The following CALN1 variants were observed in gnomAD, a reference collection of about 807,000 sequenced individuals.
CALN1 encodes calneuron 1.
A neutral mutation model predicts 30.6 loss-of-function variants in CALN1; 17 were observed. The ratio of observed to expected loss-of-function variants is 0.56; its 90% CI spans 0.38 to 0.83. The LOEUF (loss-of-function observed/expected upper bound fraction) is 0.83. CALN1 is among the 40% of genes least tolerant of loss of function. CALN1 has a pLI of 0.00. For missense variants in CALN1, 291 were observed against 354.9 expected, an observed-to-expected ratio of 0.82 and a Z score of 1.45; for synonymous variants, 156 against 131.4, an observed-to-expected ratio of 1.19 and a Z score of -1.28.
chr7:72,267,653 G>A (rs1307971097), intron 3 of CALN1, among the ~76,000 whole-genome samples: 1 of 152,218 alleles, frequency 6.6e-6, no homozygotes, highest in Non-Finnish European at 1.5e-5. Context: ...TGCTGGTTAT[G>A]TAACCTTGGA....
At chr7:72,057,915 A>T (rs1803374031) in intron 4 of CALN1, among the ~76,000 whole-genome samples, 1 of 152,162 alleles carries the variant, frequency 6.6e-6, no homozygotes, top group Admixed American at 6.5e-5. Flanking sequence ...TTGAGGGGTA[A>T]TGGTTCTGGC....
Position 72,397,303 on chromosome 7 carries a change from T to A in CALN1, c.119+5948A>T, listed in dbSNP as rs114203270. ...GGGAGGATGCCAGAGAGAGGCAGGT[T>A]GCAGTGTAAGCACCCAGAGGGTCCA... On this transcript the variant is annotated intron_variant, in intron 2 of 6. Transcript: ENST00000395275. Among the ~76,000 whole-genome samples the A allele has an allele frequency of 3.4e-3, 516 of 152,254 alleles. 3 individuals are homozygous for A. The highest frequency in any genetic ancestry group is 0.012 in the African/African-American group (505 of 41,546).
chr7:71,869,922 A>G (rs1791822992), intron 5 of CALN1, among the ~76,000 whole-genome samples: 1 of 152,154 alleles, frequency 6.6e-6, no homozygotes, highest in Non-Finnish European at 1.5e-5. Flanking sequence ...TTTGCAGACC[A>G]GATTCCTCAG....
chr7:71,851,632 C>T (rs190382068), intron 5 of CALN1, among the ~76,000 whole-genome samples: 2 of 151,906 alleles, frequency 1.3e-5, no homozygotes, highest in African/African-American at 4.8e-5. Flanking sequence ...ACATTAAAAT[C>T]CTTTGGATAA....
At chr7:72,468,052 C>T in the CALN1 span, among the ~76,000 whole-genome samples, 1 of 152,200 alleles carries the variant, frequency 6.6e-6, no homozygotes, top group Non-Finnish European at 1.5e-5. Context: ...CAAGGTCCAT[C>T]CATGTTGTTG....
chr7:72,261,460 CAAGGCTGGAGTGCA>C (rs1182187758), intron 3 of CALN1, among the ~76,000 whole-genome samples: 2 of 151,750 alleles, frequency 1.3e-5, no homozygotes, highest in Non-Finnish European at 2.9e-5. Flanking sequence ...ACTCTGTTGC[CAAGGCTGGAGTGCA>C]GTGGCTGGAG....
intron 5 of CALN1, among the ~76,000 whole-genome samples, chr7:71,901,530 C>T (rs535182472): frequency 6.6e-6 from 1 of 151,396 alleles, no homozygotes; most frequent in East Asian, 1.9e-4. Flanking sequence ...TACTACAAGG[C>T]TGCAGTAACC....
intron 5 of CALN1, among the ~76,000 whole-genome samples, chr7:71,885,784 A>T (rs1792867491): frequency 1.3e-5 from 2 of 152,192 alleles, no homozygotes; most frequent in Admixed American, 6.5e-5. Flanking sequence ...AATGTTTCTG[A>T]CTATTATACA....
At chr7:72,301,022 A>G (rs1279314387) in intron 2 of CALN1, among the ~76,000 whole-genome samples, 1 of 152,058 alleles carries the variant, frequency 6.6e-6, no homozygotes, top group Non-Finnish European at 1.5e-5. Flanking sequence ...GTAAATAAGC[A>G]CAGAATATCA....
At chr7:72,203,659 A>T (rs1791600519) in intron 3 of CALN1, among the ~76,000 whole-genome samples, 1 of 152,328 alleles carries the variant, frequency 6.6e-6, no homozygotes, top group Admixed American at 6.5e-5. Flanking sequence ...CACTCTAATT[A>T]GCAAGGGCTA....
At chr7:72,357,728 C>A (rs1803317305) in intron 2 of CALN1, among the ~76,000 whole-genome samples, 1 of 150,962 alleles carries the variant, frequency 6.6e-6, no homozygotes, top group South Asian at 2.1e-4. Context: ...TTATAACAAC[C>A]CAATGTTGGC....
At chr7:71,853,320 TA>T (rs1465526848) in intron 5 of CALN1, among the ~76,000 whole-genome samples, 2 of 152,122 alleles carry the variant, frequency 1.3e-5, no homozygotes, top group Non-Finnish European at 2.9e-5. Context: ...AATTGGCAAT[TA>T]AAAATTGTAT....
chr7:72,430,374 G>A (rs1318103521), intron 1 of CALN1, among the ~76,000 whole-genome samples: 3 of 150,580 alleles, frequency 2.0e-5, no homozygotes, highest in African/African-American at 4.9e-5. Flanking sequence ...TATTTAATTT[G>A]TGGTCAATTT....
At chr7:71,819,612 T>C (rs1218209747) in intron 5 of CALN1, among the ~76,000 whole-genome samples, 1 of 152,192 alleles carries the variant, frequency 6.6e-6, no homozygotes, top group Non-Finnish European at 1.5e-5. Context: ...ACTGAAACTT[T>C]GTACACTATT....
chr7:72,326,014 G>A (rs1391613840), intron 2 of CALN1, among the ~76,000 whole-genome samples: 1 of 152,132 alleles, frequency 6.6e-6, no homozygotes. Context: ...CGATTCTCCT[G>A]CCTCAAGCCT....
chr7:71,925,583 C>T (rs1157620866), intron 5 of CALN1, among the ~76,000 whole-genome samples: 1 of 148,866 alleles, frequency 6.7e-6, no homozygotes, highest in African/African-American at 2.5e-5. Flanking sequence ...AAAAATAATT[C>T]ATTTTTAAAA....
chr7:72,404,815 A>G (rs1806591916), intron 1 of CALN1, among the ~76,000 whole-genome samples: 1 of 152,222 alleles, frequency 6.6e-6, no homozygotes, highest in Non-Finnish European at 1.5e-5. Flanking sequence ...GGTGGACATT[A>G]TTGTTGCAGG....
intron 1 of CALN1, among the ~76,000 whole-genome samples, chr7:72,417,751 A>C (rs557176877): frequency 6.6e-6 from 1 of 152,274 alleles, no homozygotes; most frequent in South Asian, 2.1e-4. Flanking sequence ...CATGTTCATT[A>C]GTCATGGTTG....
intron 2 of CALN1, among the ~76,000 whole-genome samples, chr7:72,397,307 G>A (rs1213363997): frequency 1.3e-5 from 2 of 152,192 alleles, no homozygotes; most frequent in Non-Finnish European, 2.9e-5. Flanking sequence ...GCAGGTTGCA[G>A]TGTAAGCACC....
Sources: gnomAD v4.1 joint callset for allele counts (sites outside exome capture counted in the v4.1 genomes callset) on GRCh38, gnomAD v4.1.1 for gene constraint, MANE v1.5 for transcripts, NCBI Gene and HGNC (gene_info 2026-07-23, HGNC 2026-07-21) for gene names.